The following EPB41L4B variants were observed in gnomAD, a reference collection of about 807,000 sequenced individuals.
The protein encoded by EPB41L4B is band 4.1-like protein 4B.
In EPB41L4B, 30 loss-of-function variants were observed where a neutral mutation model predicts 112.5. The observed-to-expected ratio is 0.27, with a 90% CI of 0.20 to 0.36. EPB41L4B has a LOEUF of 0.36. EPB41L4B is among the 10% of genes least tolerant of loss of function. EPB41L4B has a pLI of 1.00. For missense variants in EPB41L4B, 1,024 were observed against 1,133.3 expected (o/e 0.90, Z 1.38); for synonymous variants, 408 against 439.7 (o/e 0.93, Z 0.90).
chr9:109,283,531 T>C (rs1836152921), intron 1 of EPB41L4B, among the ~76,000 whole-genome samples: 1 of 151,998 alleles, frequency 6.6e-6, no homozygotes, highest in Non-Finnish European at 1.5e-5. Context: ...AGAACCACGA[T>C]ACATCAACAC....
intron 1 of EPB41L4B, among the ~76,000 whole-genome samples, chr9:109,316,620 T>C (rs569810298): frequency 1.3e-5 from 2 of 152,178 alleles, no homozygotes; most frequent in Non-Finnish European, 2.9e-5. Flanking sequence ...AGGGCCAGGG[T>C]TTCTGAAGAG....
chr9:109,240,997 C>T, intron 15 of EPB41L4B: 1 of 985,264 alleles, frequency 1.0e-6, no homozygotes, highest in Non-Finnish European at 1.2e-6. Context: ...TCAAAGTCCC[C>T]CTGTATCTAT....
At chr9:109,231,607 G>T (rs182780227) in intron 15 of EPB41L4B, among the ~76,000 whole-genome samples, 59 of 152,330 alleles carry the variant, frequency 3.9e-4, no homozygotes, top group African/African-American at 1.3e-3. Flanking sequence ...AGCCTTTGGG[G>T]TTCAGTAGTT....
chr9:109,312,443 T>C (rs1006890622), intron 1 of EPB41L4B, among the ~76,000 whole-genome samples: 1 of 152,060 alleles, frequency 6.6e-6, no homozygotes, highest in African/African-American at 2.4e-5. Flanking sequence ...CCTACAAAGG[T>C]GGAAGCCCTT....
At chr9:109,208,094 G>T in intron 17 of EPB41L4B, 45 bp from the exon 18 acceptor site, 1 of 1,610,964 alleles carries the variant, frequency 6.2e-7, no homozygotes, top group South Asian at 1.1e-5. Context: ...AACAAAGAGA[G>T]AACCATGTGC....
rs1290988049 is a variant in EPB41L4B, at chr9:109,279,711, TCA to T, written c.411+104_411+105del. On this transcript the variant is annotated intron_variant, in intron 2 of 25. Coordinates refer to ENST00000374566, the MANE Select transcript of EPB41L4B (RefSeq NM_019114.5). ...CCCAATGCCTGTTACTGGCACAGTA[TCA>T]CAGTTTTAGTCTTGTTTTTCTCTAC... 65 of 932,756 alleles carry T rather than the reference TCA, an allele frequency of 7.0e-5. No homozygotes were observed. In the East Asian group the frequency reaches 1.5e-3, roughly 22 times the overall value. 57.8% of individuals were successfully genotyped at this position (932,756 alleles called of 1,614,324 possible). A position where few individuals can be genotyped will look rare whatever the true frequency, so the allele number is the denominator to read the frequency against.
intron 15 of EPB41L4B, among the ~76,000 whole-genome samples, chr9:109,226,248 C>T (rs1833754959): frequency 6.6e-6 from 1 of 152,142 alleles, no homozygotes; most frequent in Non-Finnish European, 1.5e-5. Context: ...AGGGTGAATA[C>T]AGGAGACAAG....
intron 15 of EPB41L4B, chr9:109,241,441 C>G: frequency 1.5e-6 from 2 of 1,307,664 alleles, no homozygotes; most frequent in Middle Eastern, 2.9e-4. Flanking sequence ...AATATGATTC[C>G]TGAGCCTTTA....
At chr9:109,276,411 T>A (rs1186695179) in intron 2 of EPB41L4B, among the ~76,000 whole-genome samples, 2 of 151,914 alleles carry the variant, frequency 1.3e-5, no homozygotes, top group Non-Finnish European at 2.9e-5. Flanking sequence ...CAGAGATAAG[T>A]GCAGGCATCA....
intron 1 of EPB41L4B, among the ~76,000 whole-genome samples, chr9:109,282,196 T>C (rs542133811): frequency 5.7e-4 from 86 of 152,142 alleles, no homozygotes; most frequent in African/African-American, 2.0e-3. Flanking sequence ...AGGAGGGAAA[T>C]CTATACAGCC....
intron 1 of EPB41L4B, among the ~76,000 whole-genome samples, chr9:109,308,418 G>A (rs570837046): frequency 2.6e-5 from 4 of 152,232 alleles, no homozygotes; most frequent in African/African-American, 9.6e-5. Context: ...AACTGTAATA[G>A]GACAAACGGC....
chr9:109,185,702 C>T (rs1033542756), intron 22 of EPB41L4B, 97 bp from the exon 23 acceptor site: 10 of 855,706 alleles, frequency 1.2e-5, no homozygotes, highest in Non-Finnish European at 1.8e-5. Flanking sequence ...AAAGACAGCA[C>T]AGTGCAAGAC....
chr9:109,211,370 G>A (rs1833160293), intron 17 of EPB41L4B, among the ~76,000 whole-genome samples: 2 of 151,974 alleles, frequency 1.3e-5, no homozygotes, highest in Admixed American at 1.3e-4. Flanking sequence ...TGCGGAGTGT[G>A]GATCACTTGA....
intron 19 of EPB41L4B, among the ~76,000 whole-genome samples, chr9:109,203,423 C>A (rs1464182101): frequency 6.6e-6 from 1 of 152,118 alleles, no homozygotes; most frequent in Non-Finnish European, 1.5e-5. Context: ...AGTGACAACC[C>A]CAAGTGATTG....
intron 15 of EPB41L4B, among the ~76,000 whole-genome samples, chr9:109,237,804 G>A (rs1332789910): frequency 6.6e-6 from 1 of 152,116 alleles, no homozygotes; most frequent in East Asian, 1.9e-4. Context: ...TGGTGATGGT[G>A]GAGGGAACAT....
chr9:109,311,239 A>C (rs1014841425), intron 1 of EPB41L4B, among the ~76,000 whole-genome samples: 2 of 152,244 alleles, frequency 1.3e-5, no homozygotes, highest in African/African-American at 4.8e-5. Context: ...AAAATTCATA[A>C]TTCAGGGTAG....
At chr9:109,309,094 T>G (rs971921820) in intron 1 of EPB41L4B, among the ~76,000 whole-genome samples, 4 of 151,832 alleles carry the variant, frequency 2.6e-5, no homozygotes. Flanking sequence ...AAAAATTACA[T>G]GTTTAGAATT....
At position 109,225,209 on chromosome 9, in the gene EPB41L4B, G is replaced by A. The variant is rs376054231; in HGVS notation, c.1410-8064C>T. Among the ~76,000 whole-genome samples the A allele has an allele frequency of 7.0e-4, 106 of 152,320 alleles. 2 individuals are homozygous for A. Among genetic ancestry groups the A allele is most frequent in the African/African-American group, 2.3e-3 (95 of 41,568 alleles). ...GGTGCTCAACTAATACTGGTTAGAC[G>A]GAGAACAAAATGAAATATCAGTGCA... On this transcript the variant is annotated intron_variant, in intron 15 of 25. Transcript: ENST00000374566.
chr9:109,184,755 A>C (rs1215887361), intron 23 of EPB41L4B, among the ~76,000 whole-genome samples: 1 of 152,256 alleles, frequency 6.6e-6, no homozygotes, highest in African/African-American at 2.4e-5. Context: ...ATAGCCTAAG[A>C]AAATAAAATT....
Sources: allele counts gnomAD v4.1 joint callset (sites outside exome capture counted in the v4.1 genomes callset), GRCh38; gene constraint gnomAD v4.1.1; transcripts MANE v1.5; gene names NCBI Gene and HGNC (gene_info 2026-07-23, HGNC 2026-07-21).